The following NSUN6 variants were observed in gnomAD, a reference collection of about 807,000 sequenced individuals.
NSUN6 encodes tRNA (cytosine(72)-C(5))-methyltransferase NSUN6.
In NSUN6, 64 loss-of-function variants were observed where a neutral mutation model predicts 58.0. That is an observed-to-expected ratio of 1.10 (90% CI 0.90 to 1.36). NSUN6 has a LOEUF of 1.36. Ranked by LOEUF, NSUN6 falls within the 40% of genes most tolerant of loss-of-function variation. The pLI, the probability that NSUN6 is intolerant of heterozygous loss-of-function variation, is 0.00. For synonymous variants in NSUN6, 231 were observed against 193.9 expected (o/e 1.19, Z -1.59); for missense variants, 701 against 550.1 (o/e 1.27, Z -2.74).
chr10:18,640,181 T>C (rs1564840073), intron 3 of NSUN6, among the ~76,000 whole-genome samples: 1 of 152,218 alleles, frequency 6.6e-6, no homozygotes, highest in Non-Finnish European at 1.5e-5. Flanking sequence ...ATTGTAATCT[T>C]TTCTATTTTC....
intron 9 of NSUN6, among the ~76,000 whole-genome samples, chr10:18,551,055 ATTTAT>A (rs1475431745): frequency 1.3e-5 from 2 of 152,170 alleles, no homozygotes; most frequent in Non-Finnish European, 2.9e-5. Context: ...AAAAAGAGTA[ATTTAT>A]TTTATATCTA....
upstream of NSUN6, chr10:18,652,601 C>T (rs1225378587): frequency 1.0e-6 from 1 of 958,742 alleles, no homozygotes; most frequent in African/African-American, 1.8e-5. Flanking sequence ...GTCTCTGTCG[C>T]CCAGACTGGA....
intron 3 of NSUN6, among the ~76,000 whole-genome samples, chr10:18,624,819 G>A (rs1392897268): frequency 2.0e-5 from 3 of 152,100 alleles, no homozygotes; most frequent in Admixed American, 6.5e-5. Flanking sequence ...ACTGGAATGA[G>A]TTCCCAGCAG....
Position 18,558,522 on chromosome 10 carries a change from G to A in NSUN6, c.923-6551C>T, listed in dbSNP as rs117861699. On this transcript the variant is annotated intron_variant, in intron 8 of 10. Transcript: ENST00000377304. ...GGAATGGAGAAAGGAATAGAATATG[G>A]AATGGAACGGAGAATGGAATGGAAT... Among the ~76,000 whole-genome samples the A allele has an allele frequency of 2.2e-3, 300 of 136,548 alleles. 4 individuals are homozygous for A. In the South Asian group the frequency reaches 0.039, roughly 18 times the overall value. 89.6% of individuals were successfully genotyped at this position (136,548 alleles called of 152,430 possible). A position where few individuals can be genotyped will look rare whatever the true frequency, so the allele number is the denominator to read the frequency against.
intron 3 of NSUN6, among the ~76,000 whole-genome samples, chr10:18,628,293 C>G (rs1023030096): frequency 2.6e-5 from 4 of 152,086 alleles, no homozygotes; most frequent in Non-Finnish European, 5.9e-5. Context: ...GATAAAACCA[C>G]AAAGATGGGG....
At position 18,651,554 on chromosome 10, in the gene NSUN6, C is replaced by A. The variant is rs970622027; in HGVS notation, c.-351G>T. The stretch of plus-strand genomic sequence containing the variant: ...AACGGACGCAGATCAGTAAGCCAGG[C>A]TGACAGCAGCTCGGTCCCTTTATCT... On this transcript the variant is annotated 5_prime_UTR_variant, in exon 1 of 11. Transcript: ENST00000377304. 9.9e-7 allele frequency: 1 copy of A among 1,006,492 alleles called. No individual in the cohort carries two copies. The highest frequency in any genetic ancestry group is 4.6e-5 in the South Asian group (1 of 21,966). The allele number at this position is 1,006,492 out of a possible 1,614,324, so 62.3% of individuals were successfully genotyped here.
chr10:18,563,955 C>T (rs972141189), intron 8 of NSUN6, among the ~76,000 whole-genome samples: 7 of 150,446 alleles, frequency 4.7e-5, no homozygotes, highest in Admixed American at 3.3e-4. Context: ...ATTCCATTCT[C>T]GATTCCTTTC....
intron 3 of NSUN6, among the ~76,000 whole-genome samples, chr10:18,632,922 C>T (rs932891344): frequency 1.3e-5 from 2 of 152,092 alleles, no homozygotes; most frequent in East Asian, 1.9e-4. Context: ...ACCCAAAGGA[C>T]TATAAATCAT....
intron 8 of NSUN6, among the ~76,000 whole-genome samples, chr10:18,561,727 T>C (rs1225439759): frequency 1.4e-5 from 2 of 145,770 alleles, no homozygotes; most frequent in African/African-American, 2.6e-5. Flanking sequence ...GAGAAAGGAA[T>C]AGAATATGGA....
At chr10:18,640,645 G>A (rs779544248) in intron 3 of NSUN6, among the ~76,000 whole-genome samples, 36 of 152,088 alleles carry the variant, frequency 2.4e-4, no homozygotes, top group Admixed American at 5.2e-4. Flanking sequence ...CTGGGATAAT[G>A]GAAATGCTCT....
intron 8 of NSUN6, among the ~76,000 whole-genome samples, chr10:18,557,862 T>C (rs1375512208): frequency 6.7e-6 from 1 of 148,664 alleles, no homozygotes; most frequent in Non-Finnish European, 1.5e-5. Flanking sequence ...GAATGGAATA[T>C]GGAATGGAGC....
At chr10:18,568,629 T>C (rs569181482) in intron 8 of NSUN6, among the ~76,000 whole-genome samples, 254 of 148,396 alleles carry the variant, frequency 1.7e-3, no homozygotes, top group African/African-American at 6.4e-3. Flanking sequence ...CATTCTCCAT[T>C]CCATTCCATT....
intron 4 of NSUN6, 30 bp downstream of exon 4, chr10:18,616,154 C>T: frequency 1.6e-6 from 2 of 1,225,512 alleles, no homozygotes; most frequent in Middle Eastern, 1.9e-4. Flanking sequence ...TTTAGAGAAC[C>T]TTAAAGACAA....
intron 7 of NSUN6, 28 bp from the exon 8 acceptor site, chr10:18,586,121 A>T: frequency 6.7e-7 from 1 of 1,492,334 alleles, no homozygotes; most frequent in Non-Finnish European, 9.0e-7. Context: ...ACACACATGC[A>T]GAAAAAAAAA....
At chr10:18,646,397 T>G (rs973654769) in intron 2 of NSUN6, among the ~76,000 whole-genome samples, 6 of 152,102 alleles carry the variant, frequency 3.9e-5, no homozygotes, top group African/African-American at 1.4e-4. Flanking sequence ...TGGTTTCCTA[T>G]CTAGTGACTC....
At chr10:18,620,945 G>T (rs971131747) in intron 3 of NSUN6, among the ~76,000 whole-genome samples, 1 of 152,178 alleles carries the variant, frequency 6.6e-6, no homozygotes, top group Non-Finnish European at 1.5e-5. Flanking sequence ...ATGAATTCTG[G>T]AACAGAGAAC....
intron 9 of NSUN6, 147 bp downstream of exon 9, chr10:18,551,676 G>A (rs2054612558): frequency 1.6e-6 from 1 of 610,368 alleles, no homozygotes; most frequent in Non-Finnish European, 2.9e-6. Context: ...AGCACATTCT[G>A]TTATCCATGT....
chr10:18,655,689 A>G (rs1458101993), upstream of NSUN6, among the ~76,000 whole-genome samples: 1 of 152,186 alleles, frequency 6.6e-6, no homozygotes, highest in Non-Finnish European at 1.5e-5. Flanking sequence ...AGAAGACAGG[A>G]CCAGAAGCTT....
At chr10:18,586,122 G>GA (rs751821413) in intron 7 of NSUN6, 29 bp from the exon 8 acceptor site, 196,765 of 1,001,030 alleles carry the variant, frequency 0.2, 94 homozygotes, top group Non-Finnish European at 0.21. Context: ...CACACATGCA[G>GA]AAAAAAAAAA....
Sources: allele counts gnomAD v4.1 joint callset (sites outside exome capture counted in the v4.1 genomes callset), GRCh38; gene constraint gnomAD v4.1.1; transcripts MANE v1.5; gene names NCBI Gene and HGNC (gene_info 2026-07-23, HGNC 2026-07-21).